The following PPP1R42 variants were observed in gnomAD, a reference collection of about 807,000 sequenced individuals.
PPP1R42 encodes leucine rich repeat containing 67.
A neutral mutation model predicts 31.0 loss-of-function variants in PPP1R42; 34 were observed. That is an observed-to-expected ratio of 1.10 (90% CI 0.83 to 1.46). PPP1R42 has a LOEUF of 1.46. PPP1R42 is among the 40% of genes most tolerant of loss of function. PPP1R42 has a pLI of 0.00. For missense variants in PPP1R42, 268 were observed against 303.0 expected (o/e 0.88, Z 0.86); for synonymous variants, 103 against 109.8 (o/e 0.94, Z 0.39).
intron 5 of PPP1R42, among the ~76,000 whole-genome samples, chr8:66,989,417 C>T (rs996149587): frequency 1.3e-5 from 2 of 152,128 alleles, no homozygotes; most frequent in African/African-American, 4.8e-5. Context: ...TCCCCTTCCC[C>T]GCTTTCTAAA....
intron 7 of PPP1R42, chr8:66,971,262 C>T (rs1194869950): frequency 1.7e-6 from 1 of 606,016 alleles, no homozygotes; most frequent in Non-Finnish European, 2.5e-6. Context: ...CACAGTAAAA[C>T]TAGTAATAAA....
chr8:66,970,885 G>T, intron 7 of PPP1R42: 1 of 903,044 alleles, frequency 1.1e-6, no homozygotes, highest in Non-Finnish European at 1.8e-6. Flanking sequence ...AGAACTAGGA[G>T]ACAGATTGGA....
rs1420274833 is a variant in PPP1R42, at chr8:67,025,575, A to T, written c.-85+2916T>A. On this transcript the variant is annotated intron_variant, in intron 1 of 7. Coordinates refer to ENST00000685739, the MANE Select transcript of PPP1R42 (RefSeq NM_001364910.1). ...TTTTTTTTTGTGGCTGAGCCTAAGA[A>T]TTAAATTGACATACAGCAGATCAAG... 3.3e-5 allele frequency among the ~76,000 whole-genome samples: 5 copies of T among 151,838 alleles called. No homozygotes were observed. In the East Asian group the frequency reaches 9.7e-4, roughly 29 times the overall value.
Position 67,014,451 on chromosome 8 carries a change from T to C in PPP1R42, c.271A>G (p.Arg91Gly). 6.5e-7 allele frequency: 1 copy of C among 1,547,512 alleles called. No homozygotes were observed. The highest frequency in any genetic ancestry group is 1.3e-5 in the South Asian group (1 of 77,096). The change falls in exon 3 of 8, where the codon AGG (arginine) becomes GGG (glycine). Residue 91 changes from arginine to glycine, a missense_variant. Physicochemically the swap from Arg to Gly is moderately radical, Grantham distance 125. Coordinates refer to ENST00000685739, the MANE Select transcript of PPP1R42 (RefSeq NM_001364910.1). ...AGTTTTTCCAGTTTCTTTAATGACC[T>C]GAGGTTCTCTATACATGAAATACAA... ...NNCISCIENL[R>G]SLKKLEKLYL... is the part of the protein sequence containing the mutation.
Position 67,014,557 on chromosome 8 carries a change from T to C in PPP1R42, c.165A>G (p.Leu55=), listed in dbSNP as rs1815943999. The C allele has an allele frequency of 1.9e-6, 3 of 1,540,848 alleles. No individual in the cohort carries two copies. The highest frequency in any genetic ancestry group is 3.9e-5 in the Admixed American group (2 of 51,246). ...GACTAATACAATTATCATATAAATA[T>C]AAAACACTAAGATTTTTGCAAAGAG... ...DLSLCKNLSV[L]YLYDNCISQI... The change falls in exon 3 of 8, where the codon TTA becomes TTG. Residue 55 remains leucine, a synonymous_variant. Transcript: ENST00000685739.
rs1814933374 is a variant in PPP1R42 at position 66,984,225 on chromosome 8, T to C, written c.671-2045A>G. On this transcript the variant is annotated intron_variant, in intron 6 of 7. Coordinates refer to ENST00000685739, the MANE Select transcript of PPP1R42 (RefSeq NM_001364910.1). ...TGAAATGCTCATGAGCTATGTTCTCTATAGGACACTGTTTAAACTTCATCT... is the reference window on the plus strand; with the variant it reads ...TGAAATGCTCATGAGCTATGTTCTCCATAGGACACTGTTTAAACTTCATCT... 5.3e-6 allele frequency: 8 copies of C among 1,518,006 alleles called. No individual in the cohort carries two copies. The Admixed American group carries it at 8.4e-5, about 16-fold the overall frequency. The allele number at this position is 1,518,006 out of a possible 1,614,324, so 94.0% of individuals were successfully genotyped here. A position where few individuals can be genotyped will look rare whatever the true frequency, so the allele number is the denominator to read the frequency against.
chr8:66,997,469 A>C (rs79997683), intron 5 of PPP1R42, among the ~76,000 whole-genome samples: 5,282 of 150,122 alleles, frequency 0.035, 193 homozygotes, highest in African/African-American at 0.082. Context: ...CCAGCTAATT[A>C]AAAAAAAAGA....
chr8:66,984,494 C>T, intron 6 of PPP1R42: 1 of 1,231,888 alleles, frequency 8.1e-7, no homozygotes, highest in Non-Finnish European at 1.2e-6. Flanking sequence ...AGTTGCCCAG[C>T]ATTGGCCTCA....
intron 1 of PPP1R42, chr8:67,026,946 G>C (rs1332333278): frequency 6.7e-6 from 1 of 148,828 alleles, no homozygotes; most frequent in Admixed American, 6.7e-5. Context: ...TGTTGCTCAG[G>C]TTGGAGTTCA....
chr8:66,964,393 A>C (rs1814326052), intron 7 of PPP1R42, 59 bp from the exon 8 acceptor site: 1 of 895,970 alleles, frequency 1.1e-6, no homozygotes, highest in African/African-American at 1.8e-5. Flanking sequence ...GTATCCCTAA[A>C]AGGTAGCAAA....
At chr8:66,985,137 G>T in intron 6 of PPP1R42, 2 of 1,174,332 alleles carry the variant, frequency 1.7e-6, no homozygotes, top group Non-Finnish European at 2.6e-6. Context: ...AAGTATGGAT[G>T]TCTGTTTTTT....
chr8:67,001,528 C>CCT (rs1307821993), intron 5 of PPP1R42, among the ~76,000 whole-genome samples: 4 of 150,964 alleles, frequency 2.6e-5, no homozygotes, highest in Middle Eastern at 6.9e-3. Flanking sequence ...TTTTCTTTTC[C>CCT]TATCCCCTAC....
At chr8:66,977,031 G>GTTTTGCTTTT (rs1814696501) in intron 7 of PPP1R42, among the ~76,000 whole-genome samples, 1 of 144,342 alleles carries the variant, frequency 6.9e-6, no homozygotes, top group South Asian at 2.2e-4. Flanking sequence ...TTTTTGTTTT[G>GTTTTGCTTTT]TTTTGCTTTT....
At chr8:66,989,559 T>C (rs1815130268) in intron 5 of PPP1R42, among the ~76,000 whole-genome samples, 1 of 152,232 alleles carries the variant, frequency 6.6e-6, no homozygotes, top group African/African-American at 2.4e-5. Flanking sequence ...CAGATACATT[T>C]AATCTGTAAT....
intron 6 of PPP1R42, chr8:66,984,533 A>G: frequency 8.0e-7 from 1 of 1,255,792 alleles, no homozygotes; most frequent in African/African-American, 1.5e-5. Flanking sequence ...GGGGTGCTAA[A>G]TTTCTAACTC....
At chr8:67,002,212 T>A (rs1461349757) in intron 5 of PPP1R42, among the ~76,000 whole-genome samples, 4 of 152,214 alleles carry the variant, frequency 2.6e-5, no homozygotes, top group South Asian at 2.1e-4. Context: ...CTATATATAT[T>A]TTTTTACATG....
intron 5 of PPP1R42, among the ~76,000 whole-genome samples, chr8:67,002,320 T>C (rs994484344): frequency 6.6e-6 from 1 of 152,154 alleles, no homozygotes; most frequent in African/African-American, 2.4e-5. Context: ...CTGCCTCAGC[T>C]TCCCAAGTAG....
chr8:67,006,359 A>G (rs1284888320), intron 5 of PPP1R42, among the ~76,000 whole-genome samples: 1 of 152,134 alleles, frequency 6.6e-6, no homozygotes, highest in Non-Finnish European at 1.5e-5. Context: ...TCTGTTATCC[A>G]GTCTGGAGTG....
chr8:66,982,701 G>A (rs962020821), intron 6 of PPP1R42, among the ~76,000 whole-genome samples: 2 of 151,642 alleles, frequency 1.3e-5, no homozygotes, highest in Admixed American at 6.6e-5. Context: ...TAAGCAATCC[G>A]CCTGCCTTGG....
Sources: gnomAD v4.1 joint callset for allele counts (sites outside exome capture counted in the v4.1 genomes callset) on GRCh38, gnomAD v4.1.1 for gene constraint, MANE v1.5 for transcripts, NCBI Gene and HGNC (gene_info 2026-07-23, HGNC 2026-07-21) for gene names.